Variants in MTMR12 observed in about 807,000 individuals in gnomAD.
MTMR12 encodes myotubularin related protein 12.
A neutral mutation model predicts 96.7 loss-of-function variants in MTMR12; 33 were observed. The ratio of observed to expected loss-of-function variants is 0.34; its 90% CI spans 0.26 to 0.46. MTMR12 has a LOEUF of 0.46. Ranked by LOEUF, MTMR12 falls within the 20% of genes least tolerant of loss-of-function variation. The pLI is 1.00. For missense variants in MTMR12, 721 were observed against 896.1 expected, an observed-to-expected ratio of 0.80 and a Z score of 2.49; for synonymous variants, 298 against 327.2, an observed-to-expected ratio of 0.91 and a Z score of 0.96.
chr5:32,255,827 G>T, intron 7 of MTMR12, 59 bp from the exon 8 acceptor site: 1 of 1,422,562 alleles, frequency 7.0e-7, no homozygotes, highest in Non-Finnish European at 9.8e-7. Context: ...AAATATGAAA[G>T]CTCAACTTCA....
At chr5:32,290,927 C>A (rs1218558077) in intron 1 of MTMR12, among the ~76,000 whole-genome samples, 1 of 152,186 alleles carries the variant, frequency 6.6e-6, no homozygotes, top group Non-Finnish European at 1.5e-5. Flanking sequence ...CACCATGCGA[C>A]CTGAACTGCC....
chr5:32,286,035 G>A (rs1419683788), intron 1 of MTMR12, among the ~76,000 whole-genome samples: 1 of 152,006 alleles, frequency 6.6e-6, no homozygotes, highest in Non-Finnish European at 1.5e-5. Context: ...AGTACCAAAC[G>A]CTAAGGATAA....
intron 1 of MTMR12, among the ~76,000 whole-genome samples, chr5:32,282,344 C>T (rs1030347221): frequency 9.9e-5 from 15 of 151,764 alleles, no homozygotes; most frequent in Non-Finnish European, 2.9e-5. Flanking sequence ...TGGCGTGAGC[C>T]CGGGAGGCGG....
At chr5:32,236,128 G>C (rs1279838025) in intron 13 of MTMR12, among the ~76,000 whole-genome samples, 2 of 152,156 alleles carry the variant, frequency 1.3e-5, no homozygotes, top group Admixed American at 6.5e-5. Context: ...CAGGGCAATA[G>C]GCTCAGAAAA....
intron 11 of MTMR12, among the ~76,000 whole-genome samples, chr5:32,243,281 T>C (rs931403275): frequency 6.6e-6 from 1 of 152,250 alleles, no homozygotes; most frequent in Admixed American, 6.5e-5. Context: ...TCACACTCTT[T>C]CTGTGTTTTT....
At chr5:32,300,248 T>C (rs1002812612) in intron 1 of MTMR12, among the ~76,000 whole-genome samples, 1 of 152,218 alleles carries the variant, frequency 6.6e-6, no homozygotes, top group African/African-American at 2.4e-5. Flanking sequence ...GTATCTGCCA[T>C]GTGTCAAGTC....
chr5:32,235,200 C>A, intron 13 of MTMR12, 71 bp from the exon 14 acceptor site: 1 of 1,434,358 alleles, frequency 7.0e-7, no homozygotes. Context: ...CAGGGGGCAG[C>A]CACCTCAACA....
chr5:32,310,438 T>C (rs1751531927), intron 1 of MTMR12, among the ~76,000 whole-genome samples: 1 of 152,094 alleles, frequency 6.6e-6, no homozygotes, highest in Non-Finnish European at 1.5e-5. Context: ...ATAAAGAAAA[T>C]GTGGTACATA....
chr5:32,249,288 C>T (rs759432167), intron 8 of MTMR12, among the ~76,000 whole-genome samples: 3 of 152,130 alleles, frequency 2.0e-5, no homozygotes, highest in Non-Finnish European at 4.4e-5. Context: ...TCCCCCTTAA[C>T]AGCAAGAAAC....
At chr5:32,275,620 C>CT (rs1750021447) in intron 2 of MTMR12, among the ~76,000 whole-genome samples, 1 of 152,168 alleles carries the variant, frequency 6.6e-6, no homozygotes, top group Non-Finnish European at 1.5e-5. Context: ...TAGAAATGAT[C>CT]TTTGTCTAGT....
At chr5:32,276,823 C>T in intron 1 of MTMR12, 81 bp from the exon 2 acceptor site, 1 of 971,888 alleles carries the variant, frequency 1.0e-6, no homozygotes, top group Non-Finnish European at 1.5e-6. Flanking sequence ...TCAGAATACA[C>T]ACTAAAATAT....
At chr5:32,271,556 C>T (rs1204371218) in intron 4 of MTMR12, among the ~76,000 whole-genome samples, 1 of 152,190 alleles carries the variant, frequency 6.6e-6, no homozygotes, top group Non-Finnish European at 1.5e-5. Context: ...ACACAGCTAA[C>T]TCTGATATCA....
chr5:32,263,513 C>T (rs1365972113), intron 6 of MTMR12, among the ~76,000 whole-genome samples: 1 of 150,064 alleles, frequency 6.7e-6, no homozygotes, highest in Non-Finnish European at 1.5e-5. Context: ...TCTTGGCTTA[C>T]TGCAACCTCC....
intron 13 of MTMR12, 92 bp downstream of exon 13, chr5:32,238,909 G>A (rs2111993850): frequency 1.5e-6 from 2 of 1,315,910 alleles, no homozygotes; most frequent in Admixed American, 3.4e-5. Context: ...CACTTTGCAA[G>A]CAGCAATCCT....
chr5:32,274,122 C>T lies in MTMR12; in HGVS notation c.143G>A (p.Gly48Asp). The change falls in exon 3 of 16, where the codon GGT becomes GAT. Residue 48 changes from glycine (G) to aspartate (D), a missense_variant and splice_region_variant. By Grantham distance (94) the Gly-to-Asp change is moderately conservative (BLOSUM62 -1). Coordinates refer to ENST00000382142, the MANE Select transcript of MTMR12 (RefSeq NM_001040446.3). ...EKEVTLHLLP[G>D]EQLLCEASTV... ...GCTGGCTTCACAAAGCAGCTGTTCA[C>T]CTGGTAGAAACCAAAACAGGTCCTC... 1 of 1,613,942 alleles carries T rather than the reference C, an allele frequency of 6.2e-7. No homozygotes were observed. The highest frequency in any genetic ancestry group is 8.5e-7 in the Non-Finnish European group (1 of 1,179,944).
At chr5:32,307,295 T>A (rs376553487) in intron 1 of MTMR12, among the ~76,000 whole-genome samples, 19 of 152,178 alleles carry the variant, frequency 1.2e-4, no homozygotes, top group African/African-American at 4.6e-4. Context: ...ATGGATTTGG[T>A]ACCCAAACTA....
At chr5:32,244,914 A>C (rs1213079068) in intron 10 of MTMR12, among the ~76,000 whole-genome samples, 2 of 152,242 alleles carry the variant, frequency 1.3e-5, no homozygotes, top group African/African-American at 4.8e-5. Flanking sequence ...AGCTCCATCA[A>C]GTTTAAGACA....
Position 32,233,255 on chromosome 5 carries a change from G to A in MTMR12, c.1674+518C>T, listed in dbSNP as rs1430123726. Among the ~76,000 whole-genome samples the A allele has an allele frequency of 6.6e-6, 1 of 151,766 alleles. No individual in the cohort carries two copies. The highest frequency in any genetic ancestry group is 6.6e-5 in the Admixed American group (1 of 15,234). On this transcript the variant is annotated intron_variant, in intron 15 of 15. Transcript: ENST00000382142. This position sits in a 1 kb window ranked among gnomAD's most constrained non-coding sequence, Gnocchi z 5.0. ...AAGGAATAAAGAATGGCTACTCCAAGGGCAGAGCAGACTAAGGCTTCTTTT... is the reference window on the plus strand; with the variant it reads ...AAGGAATAAAGAATGGCTACTCCAAAGGCAGAGCAGACTAAGGCTTCTTTT...
intron 8 of MTMR12, among the ~76,000 whole-genome samples, chr5:32,250,076 G>A (rs552349889): frequency 1.5e-4 from 23 of 152,336 alleles, no homozygotes; most frequent in African/African-American, 2.6e-4. Context: ...TAGCAGTGGC[G>A]TAGACCGAGA....
Sources: gnomAD v4.1 joint callset for allele counts (sites outside exome capture counted in the v4.1 genomes callset) on GRCh38, gnomAD v4.1.1 for gene constraint, Gnocchi (gnomAD v3.1) non-coding constraint, MANE v1.5 for transcripts, NCBI Gene and HGNC (gene_info 2026-07-23, HGNC 2026-07-21) for gene names.